Variants in CCDC25 observed in about 807,000 individuals in gnomAD.
CCDC25 encodes the protein coiled-coil domain-containing protein 25.
Under a neutral mutation model 35.3 loss-of-function variants are expected in CCDC25, and 16 were observed. The ratio of observed to expected loss-of-function variants is 0.45; its 90% confidence interval spans 0.31 to 0.69. The LOEUF is 0.69. CCDC25 is among the 30% of genes least tolerant of loss of function. CCDC25 has a pLI of 0.06. For missense variants in CCDC25, 179 were observed against 250.7 expected, an observed-to-expected ratio of 0.71 and a Z score of 1.93; for synonymous variants, 79 against 80.3, an observed-to-expected ratio of 0.98 and a Z score of 0.09.
intron 4 of CCDC25, among the ~76,000 whole-genome samples, chr8:27,754,879 C>A (rs1457484050): frequency 6.6e-6 from 1 of 152,152 alleles, no homozygotes; most frequent in Non-Finnish European, 1.5e-5. Flanking sequence ...AATATAAATA[C>A]AGATGGAAAG....
At chr8:27,758,740 A>G (rs1415735702) in intron 3 of CCDC25, among the ~76,000 whole-genome samples, 4 of 152,230 alleles carry the variant, frequency 2.6e-5, no homozygotes, top group African/African-American at 9.6e-5. Flanking sequence ...CTATGTACCT[A>G]TAATAGATTG....
chr8:27,740,334 G>T (rs1803391786), intron 8 of CCDC25, 138 bp downstream of exon 8: 1 of 741,874 alleles, frequency 1.3e-6, no homozygotes, highest in Non-Finnish European at 2.3e-6. Flanking sequence ...AAAGAATCCA[G>T]CCTGAGTGGT....
chr8:27,735,111 A>G lies in CCDC25; in HGVS notation c.*1105T>C, dbSNP rs1307525730. The G allele has an allele frequency of 6.6e-6, 1 of 152,648 alleles. No individual in the cohort carries two copies. Among genetic ancestry groups the G allele is most frequent in the Non-Finnish European group, 1.5e-5 (1 of 68,040 alleles). 9.5% of individuals were successfully genotyped at this position (152,648 alleles called of 1,614,324 possible). On this transcript the variant is annotated 3_prime_UTR_variant, in exon 9 of 9. Coordinates refer to ENST00000356537, the MANE Select transcript of CCDC25 (RefSeq NM_018246.3). ...TTTAAAATTGCGGAACATCAGACTG[A>G]ATATCATCAGACACATACACAAAAC...
rs1306866283 is a variant in CCDC25 at position 27,734,472 on chromosome 8, T to C, written c.*1744A>G. 1 of 152,162 alleles carries C rather than the reference T, an allele frequency of 6.6e-6. No homozygotes were observed. Among genetic ancestry groups the C allele is most frequent in the Non-Finnish European group, 1.5e-5 (1 of 68,030 alleles). 9.4% of individuals were successfully genotyped at this position (152,162 alleles called of 1,614,324 possible). ...AGTTCAATGCCAACAGTTTGACCTG[T>C]GGGCAATCAACCTATAAGTCCTCAA... is the stretch of plus-strand genomic sequence containing the variant. On this transcript the variant is annotated 3_prime_UTR_variant, in exon 9 of 9. Coordinates refer to ENST00000356537, the MANE Select transcript of CCDC25 (RefSeq NM_018246.3).
intron 7 of CCDC25, among the ~76,000 whole-genome samples, chr8:27,741,839 T>C (rs1327453329): frequency 6.6e-6 from 1 of 152,208 alleles, no homozygotes; most frequent in South Asian, 2.1e-4. Flanking sequence ...TTTAAGCCCA[T>C]TGTACAAAAT....
intron 7 of CCDC25, 27 bp from the exon 8 acceptor site, chr8:27,740,544 A>G (rs1803401608): frequency 1.9e-6 from 3 of 1,589,058 alleles, no homozygotes; most frequent in Non-Finnish European, 2.6e-6. Flanking sequence ...ACACACACAC[A>G]TTTAAAATAT....
intron 4 of CCDC25, among the ~76,000 whole-genome samples, chr8:27,753,228 T>G (rs1445750710): frequency 6.6e-6 from 1 of 152,188 alleles, no homozygotes; most frequent in Non-Finnish European, 1.5e-5. Flanking sequence ...AGTAACTTGC[T>G]CAGAGTCACG....
chr8:27,746,801 C>G (rs1006866298), intron 7 of CCDC25, among the ~76,000 whole-genome samples: 2 of 152,194 alleles, frequency 1.3e-5, no homozygotes, highest in East Asian at 1.9e-4. Flanking sequence ...TTAAGTGAAG[C>G]CTGTTTTAGC....
chr8:27,771,286 A>G (rs1804605403), intron 1 of CCDC25, among the ~76,000 whole-genome samples: 1 of 152,192 alleles, frequency 6.6e-6, no homozygotes, highest in African/African-American at 2.4e-5. Flanking sequence ...GCTATACCAC[A>G]GGTTTAAGTA....
At position 27,733,369 on chromosome 8, in the gene CCDC25, G is replaced by A. The variant is rs891991652; in HGVS notation, c.*2847C>T. ...TGTATTTTACAGATCATTCATTCAG[G>A]ACATGCTGCATCTGGGGTTGGCATC... On this transcript the variant is annotated 3_prime_UTR_variant, in exon 9 of 9. Coordinates refer to ENST00000356537, the MANE Select transcript of CCDC25 (RefSeq NM_018246.3). 1 of 152,150 alleles carries A rather than the reference G, an allele frequency of 6.6e-6. No individual in the cohort carries two copies. The highest frequency in any genetic ancestry group is 6.5e-5 in the Admixed American group (1 of 15,274). 9.4% of individuals were successfully genotyped at this position (152,150 alleles called of 1,614,324 possible). A position where few individuals can be genotyped will look rare whatever the true frequency, so the allele number is the denominator to read the frequency against.
intron 3 of CCDC25, among the ~76,000 whole-genome samples, chr8:27,762,108 T>C (rs1277926525): frequency 3.3e-5 from 5 of 152,192 alleles, no homozygotes; most frequent in African/African-American, 1.2e-4. Context: ...AGTCTTCATT[T>C]TTCCACTCAA....
chr8:27,770,634 G>A (rs1804567030), intron 1 of CCDC25, among the ~76,000 whole-genome samples: 1 of 150,306 alleles, frequency 6.7e-6, no homozygotes, highest in African/African-American at 2.5e-5. Flanking sequence ...AGCTACACAG[G>A]AGGCTGAGGC....
intron 1 of CCDC25, among the ~76,000 whole-genome samples, chr8:27,768,507 G>T (rs1043188632): frequency 6.7e-6 from 1 of 148,668 alleles, no homozygotes; most frequent in Non-Finnish European, 1.5e-5. Flanking sequence ...AGAAGTCGCA[G>T]TGAGTCGAGA....
intron 5 of CCDC25, among the ~76,000 whole-genome samples, chr8:27,750,973 G>A (rs182024859): frequency 4.9e-4 from 74 of 152,236 alleles, no homozygotes; most frequent in African/African-American, 1.7e-3. Flanking sequence ...TCCACTCCTC[G>A]GCACATAATC....
rs918655988 is a variant in CCDC25, at chr8:27,737,575, G to A, written c.598-1330C>T. 3.9e-5 allele frequency among the ~76,000 whole-genome samples: 6 copies of A among 152,054 alleles called. No individual in the cohort carries two copies. Among genetic ancestry groups the A allele is most frequent in the Admixed American group, 1.3e-4 (2 of 15,264 alleles). ...TTTAACTTAAAAATCAACTGATCAC[G>A]TTCTAAATTGGATCATAAAACATCT... On this transcript the variant is annotated intron_variant, in intron 8 of 8. Transcript: ENST00000356537. The surrounding 1 kb of genome is among the most constrained non-coding windows in gnomAD (Gnocchi z 4.6).
At chr8:27,768,148 A>C (rs2128947945) in intron 1 of CCDC25, among the ~76,000 whole-genome samples, 1 of 152,266 alleles carries the variant, frequency 6.6e-6, no homozygotes, top group African/African-American at 2.4e-5. Flanking sequence ...TACACTTGCC[A>C]CTACACTTCG....
At chr8:27,759,246 G>A (rs1044400371) in intron 3 of CCDC25, among the ~76,000 whole-genome samples, 2 of 152,290 alleles carry the variant, frequency 1.3e-5, no homozygotes, top group East Asian at 3.9e-4. Context: ...CAGAGTCTGT[G>A]GAAATACTAA....
At chr8:27,749,272 T>C (rs985045542) in intron 5 of CCDC25, among the ~76,000 whole-genome samples, 51 of 152,112 alleles carry the variant, frequency 3.4e-4, no homozygotes, top group Non-Finnish European at 7.2e-4. Context: ...GCTCTGGAAA[T>C]CGCAGTTTAA....
At chr8:27,736,789 C>T (rs1055827883) in intron 8 of CCDC25, among the ~76,000 whole-genome samples, 3 of 152,188 alleles carry the variant, frequency 2.0e-5, no homozygotes, top group Non-Finnish European at 2.9e-5. Context: ...TGGTTTGCCA[C>T]ATTTTTTAAT....
Sources: gnomAD v4.1 joint callset for allele counts (sites outside exome capture counted in the v4.1 genomes callset) on GRCh38, gnomAD v4.1.1 for gene constraint, Gnocchi (gnomAD v3.1) non-coding constraint, MANE v1.5 for transcripts, NCBI Gene and HGNC (gene_info 2026-07-23, HGNC 2026-07-21) for gene names.